The following NEGR1 variants were observed in gnomAD, a reference collection of about 807,000 sequenced individuals.
NEGR1 encodes neuronal growth regulator 1, also known as IgLON family member 4.
In NEGR1, 10 loss-of-function variants were observed where a neutral mutation model predicts 40.9. The ratio of observed to expected loss-of-function variants is 0.24; its 90% CI spans 0.15 to 0.42. NEGR1 has a LOEUF of 0.42. Among genes scored for constraint, NEGR1 ranks in the 10% least tolerant of loss-of-function variants. The pLI, the probability that NEGR1 is intolerant of heterozygous loss-of-function variation, is 1.00. For synonymous variants in NEGR1, 185 were observed against 166.8 expected (o/e 1.11, Z -0.84); for missense variants, 352 against 438.9 (o/e 0.80, Z 1.77).
At chr1:71,878,749 T>C (rs1660501838) in intron 2 of NEGR1, among the ~76,000 whole-genome samples, 1 of 152,170 alleles carries the variant, frequency 6.6e-6, no homozygotes, top group Admixed American at 6.5e-5. Context: ...TATGCACCTA[T>C]GTGTCATCTT....
At chr1:72,213,597 A>C (rs1653689588) in intron 1 of NEGR1, among the ~76,000 whole-genome samples, 1 of 151,986 alleles carries the variant, frequency 6.6e-6, no homozygotes, top group African/African-American at 2.4e-5. Flanking sequence ...GGGATATAAA[A>C]AGTAAAATGT....
At chr1:72,042,062 A>G (rs1646961669) in intron 1 of NEGR1, among the ~76,000 whole-genome samples, 2 of 150,458 alleles carry the variant, frequency 1.3e-5, no homozygotes, top group South Asian at 4.2e-4. Context: ...AAATACTTGC[A>G]AGCCTATGGG....
chr1:71,739,892 A>G (rs1206538007), intron 3 of NEGR1, among the ~76,000 whole-genome samples: 1 of 152,222 alleles, frequency 6.6e-6, no homozygotes, highest in Admixed American at 6.5e-5. Context: ...ATAAAAACAA[A>G]GTCTAGAATC....
At chr1:71,905,575 G>C (rs1193367616) in intron 2 of NEGR1, among the ~76,000 whole-genome samples, 1 of 151,968 alleles carries the variant, frequency 6.6e-6, no homozygotes, top group African/African-American at 2.4e-5. Context: ...GGCAATATAT[G>C]ATCCATTGGT....
At chr1:71,971,316 C>T (rs1466998484) in intron 1 of NEGR1, among the ~76,000 whole-genome samples, 2 of 151,900 alleles carry the variant, frequency 1.3e-5, no homozygotes, top group East Asian at 3.9e-4. Flanking sequence ...TTTAAGCTGC[C>T]AGTTTATGGT....
At chr1:72,118,561 G>A (rs958893260) in intron 1 of NEGR1, among the ~76,000 whole-genome samples, 1 of 151,734 alleles carries the variant, frequency 6.6e-6, no homozygotes, top group Non-Finnish European at 1.5e-5. Flanking sequence ...CAGTAAAGCT[G>A]TATCCTGTTT....
At chr1:71,950,212 C>CT (rs1329275691) in intron 1 of NEGR1, among the ~76,000 whole-genome samples, 2 of 151,894 alleles carry the variant, frequency 1.3e-5, no homozygotes, top group Non-Finnish European at 2.9e-5. Context: ...GCAGTAACTC[C>CT]TTCATTTCTT....
At chr1:72,046,866 C>T (rs557455276) in intron 1 of NEGR1, among the ~76,000 whole-genome samples, 1 of 151,624 alleles carries the variant, frequency 6.6e-6, no homozygotes, top group South Asian at 2.1e-4. Flanking sequence ...AAAAGGTCTA[C>T]AACAAGAAAC....
At chr1:72,107,061 T>C (rs957769634) in intron 1 of NEGR1, among the ~76,000 whole-genome samples, 1 of 151,764 alleles carries the variant, frequency 6.6e-6, no homozygotes, top group Non-Finnish European at 1.5e-5. Flanking sequence ...CTGTATACAA[T>C]GATTTAAATG....
chr1:72,063,141 A>AT (rs1206388846), intron 1 of NEGR1, among the ~76,000 whole-genome samples: 1 of 151,982 alleles, frequency 6.6e-6, no homozygotes, highest in Non-Finnish European at 1.5e-5. Flanking sequence ...AGTAAAAATC[A>AT]TTTTATAAGA....
intron 3 of NEGR1, among the ~76,000 whole-genome samples, chr1:71,731,431 C>A (rs1340937840): frequency 6.6e-6 from 1 of 152,140 alleles, no homozygotes; most frequent in Admixed American, 6.5e-5. Flanking sequence ...TGAAATTATA[C>A]TTTTCAAAAA....
chr1:71,632,156 C>T (rs1003559095), intron 4 of NEGR1, among the ~76,000 whole-genome samples: 2 of 151,640 alleles, frequency 1.3e-5, no homozygotes, highest in African/African-American at 2.4e-5. Context: ...TGGCAGAGAA[C>T]TGTAAATATG....
At chr1:71,644,491 T>C (rs1651467161) in intron 4 of NEGR1, among the ~76,000 whole-genome samples, 1 of 151,992 alleles carries the variant, frequency 6.6e-6, no homozygotes, top group South Asian at 2.1e-4. Context: ...TTATGGCCTG[T>C]CTTTTGCTAA....
At chr1:71,862,415 C>A (rs1369021476) in intron 2 of NEGR1, among the ~76,000 whole-genome samples, 1 of 152,062 alleles carries the variant, frequency 6.6e-6, no homozygotes, top group East Asian at 1.9e-4. Flanking sequence ...CTACCTCACT[C>A]ACTCCCTGTT....
intron 1 of NEGR1, among the ~76,000 whole-genome samples, chr1:71,988,109 G>A (rs1339083998): frequency 5.3e-5 from 8 of 152,206 alleles, no homozygotes; most frequent in Admixed American, 5.2e-4. Flanking sequence ...GCAAGAAGAG[G>A]TCACAATTCT....
At chr1:72,170,534 T>C (rs547063476) in intron 1 of NEGR1, among the ~76,000 whole-genome samples, 19 of 152,276 alleles carry the variant, frequency 1.2e-4, no homozygotes, top group African/African-American at 4.6e-4. Context: ...TTTATCATTC[T>C]TGAAATTCAG....
At chr1:72,115,726 C>T (rs76828664) in intron 1 of NEGR1, among the ~76,000 whole-genome samples, 1,697 of 151,724 alleles carry the variant, frequency 0.011, 13 homozygotes, top group Non-Finnish European at 0.016. Flanking sequence ...GGTGACAATA[C>T]ACTGACTAAC....
chr1:71,865,286 G>A (rs955223574), intron 2 of NEGR1, among the ~76,000 whole-genome samples: 2 of 152,102 alleles, frequency 1.3e-5, no homozygotes, highest in African/African-American at 2.4e-5. Flanking sequence ...ACATGCACAC[G>A]TATGTATATT....
intron 5 of NEGR1, among the ~76,000 whole-genome samples, chr1:71,595,240 G>C (rs1649656764): frequency 6.6e-6 from 1 of 152,200 alleles, no homozygotes; most frequent in Non-Finnish European, 1.5e-5. Context: ...TCCAACCCCT[G>C]CTACTCGGAT....
Sources: allele counts gnomAD v4.1 joint callset (sites outside exome capture counted in the v4.1 genomes callset), GRCh38; gene constraint gnomAD v4.1.1; transcripts MANE v1.5; gene names NCBI Gene and HGNC (gene_info 2026-07-23, HGNC 2026-07-21).